ATRNL1: variants seen among roughly 807,000 people sequenced by gnomAD.
ATRNL1 encodes attractin-like protein 1.
Under a neutral mutation model 182.7 loss-of-function variants are expected in ATRNL1, and 95 were observed. The ratio of observed to expected loss-of-function variants is 0.52; its 90% CI spans 0.44 to 0.62. ATRNL1 has a LOEUF of 0.62. ATRNL1 is among the 20% of genes least tolerant of loss of function. The pLI is 0.00. For synonymous variants in ATRNL1, 576 were observed against 568.3 expected, an observed-to-expected ratio of 1.01 and a Z score of -0.19; for missense variants, 1,471 against 1,679.5, an observed-to-expected ratio of 0.88 and a Z score of 2.17.
In ATRNL1 at chr10:115,224,712, C is replaced by T. The variant is rs575487793; in HGVS notation, c.1532+8832C>T. Among the ~76,000 whole-genome samples the T allele has an allele frequency of 5.3e-5, 8 of 151,998 alleles. No homozygotes were observed. The South Asian group carries it at 1.0e-3, about 20-fold the overall frequency. On this transcript the variant is annotated intron_variant, in intron 9 of 28. Transcript: ENST00000355044. ...AACATATGATAAGCGACTCTATGAC[C>T]GTAAATTTGAAAAAGTAGATGAATT... is the stretch of plus-strand genomic sequence containing the variant.
chr10:115,534,730 T>C (rs1226759581), intron 25 of ATRNL1, among the ~76,000 whole-genome samples: 1 of 151,884 alleles, frequency 6.6e-6, no homozygotes, highest in African/African-American at 2.4e-5. Context: ...GGCATGATTT[T>C]GTAGCAGCTG....
chr10:115,486,334 A>G (rs1294883311), intron 24 of ATRNL1, among the ~76,000 whole-genome samples: 1 of 152,150 alleles, frequency 6.6e-6, no homozygotes, highest in Admixed American at 6.6e-5. Context: ...GTCTTCCACA[A>G]TGGTTGAACT....
Position 115,120,213 on chromosome 10 carries a change from G to C in ATRNL1, c.322G>C (p.Asp108His). ...AACAGAACCTTCTGGATATTTAACA[G>C]ATGGCCCAATTAACTATAAATATAA... is the stretch of plus-strand genomic sequence containing the variant. ...KLTEPSGYLT[D>H]GPINYKYKTK... The change falls in exon 2 of 29, where the codon GAT (aspartate) becomes CAT (histidine). Residue 108 changes from aspartate (D) to histidine (H), a missense_variant. Around this residue, in one of 3 missense-constraint regions of ATRNL1, gnomAD observed 1,031 missense variants for 1,156.0 expected, o/e 0.89. Coordinates refer to ENST00000355044, the MANE Select transcript of ATRNL1 (RefSeq NM_207303.4). The C allele has an allele frequency of 1.3e-6, 2 of 1,575,574 alleles. No individual in the cohort carries two copies. The highest frequency in any genetic ancestry group is 1.4e-5 in the African/African-American group (1 of 74,028).
intron 20 of ATRNL1, among the ~76,000 whole-genome samples, chr10:115,404,004 A>G (rs1554957632): frequency 6.6e-6 from 1 of 152,212 alleles, no homozygotes; most frequent in Non-Finnish European, 1.5e-5. Context: ...AAGGTTGGCC[A>G]GTATGAAACC....
At chr10:115,532,846 A>G (rs1305170519) in intron 25 of ATRNL1, among the ~76,000 whole-genome samples, 13 of 151,928 alleles carry the variant, frequency 8.6e-5, no homozygotes, top group African/African-American at 1.2e-4. Context: ...GGGTTGTTGA[A>G]TCTTTTCTGC....
chr10:115,810,250 A>T (rs1424238234), intron 27 of ATRNL1, among the ~76,000 whole-genome samples: 1 of 151,930 alleles, frequency 6.6e-6, no homozygotes, highest in East Asian at 1.9e-4. Context: ...AATTTTTATT[A>T]CTTGCCATGT....
intron 10 of ATRNL1, among the ~76,000 whole-genome samples, chr10:115,247,109 TTC>T (rs2133832904): frequency 6.6e-6 from 1 of 152,200 alleles, no homozygotes; most frequent in African/African-American, 2.4e-5. Context: ...GGAGAAGACT[TTC>T]TGCAAAAGGC....
chr10:115,822,553 A>T (rs1472354352), intron 27 of ATRNL1, among the ~76,000 whole-genome samples: 1 of 151,756 alleles, frequency 6.6e-6, no homozygotes, highest in African/African-American at 2.4e-5. Flanking sequence ...TAAAGAAGAA[A>T]GGAGAGAAGA....
At chr10:115,614,600 T>C (rs1161175941) in intron 26 of ATRNL1, among the ~76,000 whole-genome samples, 2 of 152,162 alleles carry the variant, frequency 1.3e-5, no homozygotes, top group Non-Finnish European at 2.9e-5. Flanking sequence ...CTAGATAATC[T>C]GTCCAATGCT....
chr10:115,879,653 A>G (rs1161450963), intron 28 of ATRNL1, among the ~76,000 whole-genome samples: 5 of 152,226 alleles, frequency 3.3e-5, no homozygotes, highest in Non-Finnish European at 5.9e-5. Context: ...AACAGAAAAT[A>G]AAAACAATAG....
chr10:115,327,638 T>C (rs1407033504), intron 18 of ATRNL1, among the ~76,000 whole-genome samples: 1 of 150,038 alleles, frequency 6.7e-6, no homozygotes, highest in African/African-American at 2.5e-5. Context: ...CATGCACACG[T>C]ATGTTTATTG....
At chr10:115,145,440 G>A (rs1462592518) in intron 5 of ATRNL1, among the ~76,000 whole-genome samples, 1 of 152,032 alleles carries the variant, frequency 6.6e-6, no homozygotes, top group African/African-American at 2.4e-5. Context: ...TAAGAGCCAA[G>A]TATTCTTGGA....
chr10:115,373,098 T>G (rs1229181789), intron 19 of ATRNL1, among the ~76,000 whole-genome samples: 1 of 152,158 alleles, frequency 6.6e-6, no homozygotes, highest in East Asian at 1.9e-4. Flanking sequence ...TTGATTAAAT[T>G]TATTCCTAAG....
intron 27 of ATRNL1, among the ~76,000 whole-genome samples, chr10:115,784,161 T>G (rs1949339502): frequency 6.6e-6 from 1 of 152,232 alleles, no homozygotes; most frequent in Admixed American, 6.5e-5. Flanking sequence ...ATGATATGCC[T>G]TATAGAGTGT....
In ATRNL1 at chr10:115,470,011, C is replaced by T. The variant is rs377011546; in HGVS notation, c.3654+682C>T. On this transcript the variant is annotated intron_variant, in intron 24 of 28. Coordinates refer to ENST00000355044, the MANE Select transcript of ATRNL1 (RefSeq NM_207303.4). ...CAACTGATTGATTAGATTGAATTTA[C>T]ATTAGTTATTCGAATAGCTTATATA... Among the ~76,000 whole-genome samples the T allele has an allele frequency of 4.2e-4, 64 of 150,664 alleles. No individual in the cohort carries two copies. In the East Asian group the frequency reaches 9.1e-3, roughly 21 times the overall value.
intron 28 of ATRNL1, among the ~76,000 whole-genome samples, chr10:115,873,688 G>C (rs376858897): frequency 2.6e-5 from 4 of 152,164 alleles, no homozygotes; most frequent in African/African-American, 9.7e-5. Context: ...TTACTGTATT[G>C]ATTGACTATT....
chr10:115,426,366 G>C, intron 21 of ATRNL1, 64 bp downstream of exon 21: 1 of 1,208,644 alleles, frequency 8.3e-7, no homozygotes, highest in South Asian at 1.5e-5. Flanking sequence ...AAATAATAAA[G>C]GTCATCTTGA....
intron 26 of ATRNL1, among the ~76,000 whole-genome samples, chr10:115,720,942 A>G (rs2134043225): frequency 6.6e-6 from 1 of 152,296 alleles, no homozygotes; most frequent in East Asian, 1.9e-4. Context: ...AAGGAAGTAG[A>G]GTTACATTTT....
chr10:115,721,960 A>AT (rs1204515099), intron 26 of ATRNL1, among the ~76,000 whole-genome samples: 1 of 152,200 alleles, frequency 6.6e-6, no homozygotes, highest in East Asian at 1.9e-4. Flanking sequence ...TGCTGTGGCT[A>AT]TTTGACAATA....
Sources: gnomAD v4.1 joint callset for allele counts (sites outside exome capture counted in the v4.1 genomes callset) on GRCh38, gnomAD v4.1.1 for gene constraint, gnomAD v4.1.1 regional missense constraint, MANE v1.5 for transcripts, NCBI Gene and HGNC (gene_info 2026-07-23, HGNC 2026-07-21) for gene names.